EIF4G3: variants seen among roughly 807,000 people sequenced by gnomAD.
EIF4G3 encodes eukaryotic translation initiation factor 4 gamma 3, also known as eIF-4-gamma 3.
EIF4G3 carries 34 observed loss-of-function variants against 186.4 expected under a neutral mutation model. The ratio of observed to expected loss-of-function variants is 0.18; its 90% CI spans 0.14 to 0.24. The LOEUF is 0.24. Ranked by LOEUF, EIF4G3 falls within the 10% of genes least tolerant of loss-of-function variation. EIF4G3 has a pLI of 1.00. For missense variants in EIF4G3, 1,536 were observed against 1,948.5 expected (o/e 0.79, Z 3.99); for synonymous variants, 673 against 679.5 (o/e 0.99, Z 0.15).
At chr1:21,152,345 A>AAAAAAAAG (rs1446500160) in intron 2 of EIF4G3, among the ~76,000 whole-genome samples, 1 of 151,356 alleles carries the variant, frequency 6.6e-6, no homozygotes, top group East Asian at 1.9e-4. Flanking sequence ...TCTACAAAAA[A>AAAAAAAAG]AAAAAAAGCA....
chr1:21,176,255 C>CGCCGCCGCCGCT lies in EIF4G3; in HGVS notation c.-364_-353dup, dbSNP rs753671843. 3 of 379,570 alleles carry CGCCGCCGCCGCT rather than the reference C, an allele frequency of 7.9e-6. No homozygotes were observed. Among genetic ancestry groups the CGCCGCCGCCGCT allele is most frequent in the Non-Finnish European group, 1.4e-5 (3 of 219,072 alleles). The allele number at this position is 379,570 out of a possible 1,614,324, so 23.5% of individuals were successfully genotyped here. The stretch of plus-strand genomic sequence containing the variant: ...CTGCCGCCGCCGCCGCCGCCGCCGC[C>CGCCGCCGCCGCT]GCCGCCGCCGCTGCTGCCGCCGCCG... On this transcript the variant is annotated 5_prime_UTR_variant, in exon 2 of 37. Coordinates refer to ENST00000602326, the MANE Select transcript of EIF4G3 (RefSeq NM_001391906.1).
rs144289580 is a variant in EIF4G3, at chr1:20,904,926, T to A, written c.1709A>T (p.Asp570Val). The A allele has an allele frequency of 1.6e-5, 26 of 1,613,906 alleles. 1 individual carries two copies. The highest frequency in any genetic ancestry group is 2.2e-5 in the South Asian group (2 of 91,082). Reference sequence around the variant, plus strand: ...CATCTCTTCAGTGGTTCGGGTCCGATCTTTTGGTTTCTTCCATGTCTTTGG... The same window carrying A: ...CATCTCTTCAGTGGTTCGGGTCCGAACTTTTGGTTTCTTCCATGTCTTTGG... Reference protein sequence around the residue: ...TVPKTWKKPKDRTRTTEEMLE... With the variant: ...TVPKTWKKPKVRTRTTEEMLE... Residue 570 changes from aspartate to valine, a missense_variant, in exon 15 of 37, where the codon GAT becomes GTT. Asp to Val is a radical substitution (Grantham distance 152). Transcript: ENST00000602326.
intron 7 of EIF4G3, among the ~76,000 whole-genome samples, chr1:20,991,577 A>T (rs191158854): frequency 6.6e-6 from 1 of 152,102 alleles, no homozygotes; most frequent in East Asian, 1.9e-4. Flanking sequence ...CATAAAAAAA[A>T]AAAAAGAAAA....
chr1:21,050,259 T>A (rs1434518921), intron 4 of EIF4G3, among the ~76,000 whole-genome samples: 1 of 152,108 alleles, frequency 6.6e-6, no homozygotes, highest in Non-Finnish European at 1.5e-5. Flanking sequence ...AAACAATATA[T>A]CTTGGCAAAC....
intron 4 of EIF4G3, among the ~76,000 whole-genome samples, chr1:21,007,517 A>AAAAAAAAAAAAC (rs1229963996): frequency 7.5e-6 from 1 of 133,222 alleles, no homozygotes; most frequent in East Asian, 2.1e-4. Context: ...CCCCTCCTTA[A>AAAAAAAAAAAAC]AAAAAAAAAA....
chr1:21,128,379 G>A (rs886868873), intron 2 of EIF4G3, among the ~76,000 whole-genome samples: 4 of 151,264 alleles, frequency 2.6e-5, no homozygotes, highest in Non-Finnish European at 4.4e-5. Context: ...GTGTAGTGGC[G>A]GGTGCCTGTA....
intron 10 of EIF4G3, among the ~76,000 whole-genome samples, chr1:20,978,125 C>A (rs2077218814): frequency 1.3e-5 from 2 of 152,044 alleles, no homozygotes; most frequent in African/African-American, 2.4e-5. Flanking sequence ...ATAGTAACAA[C>A]CATTGTTACT....
At chr1:20,992,290 ATTTAT>A (rs992216043) in intron 7 of EIF4G3, among the ~76,000 whole-genome samples, 4 of 152,248 alleles carry the variant, frequency 2.6e-5, no homozygotes, top group Non-Finnish European at 4.4e-5. Context: ...GGTCTGGCCC[ATTTAT>A]TTTACTTTCC....
chr1:20,889,088 C>T (rs939342112), intron 18 of EIF4G3, among the ~76,000 whole-genome samples: 23 of 152,016 alleles, frequency 1.5e-4, no homozygotes, highest in Admixed American at 6.5e-5. Context: ...TTTCAGGTGA[C>T]GTTAAAGTTT....
intron 30 of EIF4G3, among the ~76,000 whole-genome samples, chr1:20,833,368 A>G (rs1331733706): frequency 6.6e-6 from 1 of 152,044 alleles, no homozygotes. Flanking sequence ...ATTCTTTTTG[A>G]AGCAATTGTG....
intron 2 of EIF4G3, among the ~76,000 whole-genome samples, chr1:21,120,195 T>C (rs1194013084): frequency 1.3e-5 from 2 of 150,774 alleles, no homozygotes; most frequent in Admixed American, 6.7e-5. Context: ...AGTTACATAA[T>C]CTATAAATTT....
intron 8 of EIF4G3, among the ~76,000 whole-genome samples, chr1:20,981,867 TTCTC>T (rs748692841): frequency 1.4e-4 from 22 of 152,202 alleles, no homozygotes; most frequent in South Asian, 4.1e-4. Flanking sequence ...ATATTGATAT[TTCTC>T]TATTATATAA....
chr1:21,176,520 C>A (rs2098112111), intron 1 of EIF4G3, among the ~76,000 whole-genome samples, 162 bp from the exon 2 acceptor site: 1 of 130,634 alleles, frequency 7.7e-6, no homozygotes, highest in South Asian at 2.4e-4. Flanking sequence ...CTGGGGGGAG[C>A]CTGGGGGGAG....
chr1:21,132,477 T>G (rs1439796439), intron 2 of EIF4G3, among the ~76,000 whole-genome samples: 1 of 152,210 alleles, frequency 6.6e-6, no homozygotes, highest in Non-Finnish European at 1.5e-5. Context: ...AGAGTCTTGC[T>G]CTGTCACCCA....
chr1:21,068,758 C>T (rs2095350744), intron 3 of EIF4G3, among the ~76,000 whole-genome samples: 1 of 152,122 alleles, frequency 6.6e-6, no homozygotes, highest in Non-Finnish European at 1.5e-5. Context: ...AACTGTTACA[C>T]AGTAAGTGTT....
chr1:20,856,127 T>C (rs2074830883), intron 25 of EIF4G3, among the ~76,000 whole-genome samples: 1 of 152,134 alleles, frequency 6.6e-6, no homozygotes. Flanking sequence ...CTCTGAGATA[T>C]AAACAACTAG....
chr1:20,880,333 T>C (rs1007742893), intron 19 of EIF4G3, among the ~76,000 whole-genome samples: 2 of 152,238 alleles, frequency 1.3e-5, no homozygotes, highest in African/African-American at 4.8e-5. Flanking sequence ...AGTCTAGCAA[T>C]TGTAGGATAC....
Position 21,053,532 on chromosome 1 carries a change from C to T in EIF4G3, c.-195-2538G>A, listed in dbSNP as rs1415020594. Among the ~76,000 whole-genome samples, 8 of 141,078 alleles carry T rather than the reference C, an allele frequency of 5.7e-5. No homozygotes were observed. In the South Asian group the frequency reaches 1.1e-3, roughly 20 times the overall value. The allele number at this position is 141,078 out of a possible 152,430, so 92.6% of individuals were successfully genotyped here. On this transcript the variant is annotated intron_variant, in intron 3 of 36. Coordinates refer to ENST00000602326, the MANE Select transcript of EIF4G3 (RefSeq NM_001391906.1). Reference sequence around the variant, plus strand: ...CCTCTGCCCGGCCAGCCGCCCCGTCCGGGAAGGAGGTGGGGGGGTCAGCCC... The same window carrying T: ...CCTCTGCCCGGCCAGCCGCCCCGTCTGGGAAGGAGGTGGGGGGGTCAGCCC...
chr1:21,122,202 T>C (rs1298790154), intron 2 of EIF4G3, among the ~76,000 whole-genome samples: 1 of 152,280 alleles, frequency 6.6e-6, no homozygotes, highest in Admixed American at 6.5e-5. Flanking sequence ...ACATTTGAAT[T>C]TGAAAGAGTT....
Sources: allele counts gnomAD v4.1 joint callset (sites outside exome capture counted in the v4.1 genomes callset), GRCh38; gene constraint gnomAD v4.1.1; transcripts MANE v1.5; gene names NCBI Gene and HGNC (gene_info 2026-07-23, HGNC 2026-07-21).